Variants in LIN28A observed in about 807,000 individuals in gnomAD.
LIN28A encodes lin-28 RNA binding posttranscriptional regulator A.
LIN28A carries 11 observed loss-of-function variants against 21.1 expected under a neutral mutation model. The observed-to-expected ratio is 0.52, with a 90% CI of 0.33 to 0.86. LIN28A has a LOEUF of 0.86. LIN28A is among the 40% of genes least tolerant of loss of function. The pLI, the probability that LIN28A is intolerant of heterozygous loss-of-function variation, is 0.03. For missense variants in LIN28A, 219 were observed against 279.8 expected, an observed-to-expected ratio of 0.78 and a Z score of 1.55; for synonymous variants, 111 against 108.7, an observed-to-expected ratio of 1.02 and a Z score of -0.13.
intron 2 of LIN28A, among the ~76,000 whole-genome samples, chr1:26,423,984 G>A (rs577413272): frequency 6.7e-6 from 1 of 150,374 alleles, no homozygotes; most frequent in Admixed American, 6.6e-5. Flanking sequence ...GGATGGTCTC[G>A]ATCTCCTGAC....
intron 2 of LIN28A, among the ~76,000 whole-genome samples, chr1:26,416,055 C>A (rs184854650): frequency 1.3e-5 from 2 of 152,002 alleles, no homozygotes; most frequent in African/African-American, 4.8e-5. Context: ...TGCAGTGGCA[C>A]GAACTCGGCT....
intron 2 of LIN28A, among the ~76,000 whole-genome samples, chr1:26,417,972 TG>T (rs1280188572): frequency 6.6e-6 from 1 of 151,656 alleles, no homozygotes; most frequent in African/African-American, 2.4e-5. Context: ...TTGCCACTTC[TG>T]GAGAAAGGAC....
At chr1:26,417,163 G>A (rs1355385492) in intron 2 of LIN28A, among the ~76,000 whole-genome samples, 1 of 152,216 alleles carries the variant, frequency 6.6e-6, no homozygotes, top group Non-Finnish European at 1.5e-5. Flanking sequence ...AGTACCTCCT[G>A]GTATAGGCGC....
chr1:26,418,170 CA>C (rs1441570445), intron 2 of LIN28A, among the ~76,000 whole-genome samples: 10 of 152,024 alleles, frequency 6.6e-5, no homozygotes, highest in Non-Finnish European at 1.5e-4. Context: ...GTAAGGCAGG[CA>C]ATTACTGAGG....
At chr1:26,422,430 T>A (rs2075033420) in intron 2 of LIN28A, among the ~76,000 whole-genome samples, 1 of 151,248 alleles carries the variant, frequency 6.6e-6, no homozygotes, top group Non-Finnish European at 1.5e-5. Flanking sequence ...TTTTTTTTTT[T>A]CCTGTTTCAA....
rs2075079817 is a variant in LIN28A, at chr1:26,429,381, G to T, written c.*2923G>T. The T allele has an allele frequency of 6.6e-6, 1 of 152,662 alleles. No individual in the cohort carries two copies. Among genetic ancestry groups the T allele is most frequent in the African/African-American group, 2.4e-5 (1 of 41,454 alleles). The allele number at this position is 152,662 out of a possible 1,614,324, so 9.5% of individuals were successfully genotyped here. On this transcript the variant is annotated 3_prime_UTR_variant, in exon 4 of 4. Coordinates refer to ENST00000326279, the MANE Select transcript of LIN28A (RefSeq NM_024674.6). ...AAACTTTATGTCAAAGTGGCCACAAGATTGTTTAATAGGAGACGAACGAAT... is the reference window on the plus strand; with the variant it reads ...AAACTTTATGTCAAAGTGGCCACAATATTGTTTAATAGGAGACGAACGAAT...
chr1:26,425,965 C>A (rs1292795522), intron 3 of LIN28A, among the ~76,000 whole-genome samples: 3 of 152,168 alleles, frequency 2.0e-5, no homozygotes, highest in Admixed American at 1.3e-4. Context: ...TCCTATCCCC[C>A]AAGTTGCAGT....
intron 2 of LIN28A, among the ~76,000 whole-genome samples, chr1:26,413,113 GAACCAGC>G (rs1252691131): frequency 1.3e-5 from 2 of 152,060 alleles, no homozygotes; most frequent in African/African-American, 4.8e-5. Context: ...TTTATTACAG[GAACCAGC>G]TTTGAATGGC....
chr1:26,413,813 GT>G (rs1242820295), intron 2 of LIN28A, among the ~76,000 whole-genome samples: 1,441 of 130,262 alleles, frequency 0.011, 10 homozygotes, highest in African/African-American at 0.021. Context: ...TTGTTTGTTT[GT>G]TTGTTTGTTG....
At chr1:26,414,071 C>T (rs186305671) in intron 2 of LIN28A, among the ~76,000 whole-genome samples, 141 of 152,114 alleles carry the variant, frequency 9.3e-4, no homozygotes, top group Middle Eastern at 3.4e-3. Context: ...TCAGATGATC[C>T]GCCCGCCTTG....
At chr1:26,413,209 G>A (rs1253259809) in intron 2 of LIN28A, among the ~76,000 whole-genome samples, 1 of 152,038 alleles carries the variant, frequency 6.6e-6, no homozygotes, top group Non-Finnish European at 1.5e-5. Flanking sequence ...TCCTGGTCTG[G>A]GGACTGGACA....
chr1:26,418,678 C>T (rs1411938334), intron 2 of LIN28A, among the ~76,000 whole-genome samples: 2 of 152,148 alleles, frequency 1.3e-5, no homozygotes, highest in African/African-American at 4.8e-5. Flanking sequence ...GCCTTCTCTC[C>T]CCCTCCCCTT....
At position 26,426,854 on chromosome 1, in the gene LIN28A, A is replaced by C. The variant is rs2075062721; in HGVS notation, c.*396A>C. Reference sequence around the variant, plus strand: ...GTATAAGACCAGATTCATGGAGCCAAGCCACTACATTCTGTGGAAGGAGAT... The same window carrying C: ...GTATAAGACCAGATTCATGGAGCCACGCCACTACATTCTGTGGAAGGAGAT... On this transcript the variant is annotated 3_prime_UTR_variant, in exon 4 of 4. Transcript: ENST00000326279. 5.1e-6 allele frequency: 1 copy of C among 197,916 alleles called. No homozygotes were observed. Among genetic ancestry groups the C allele is most frequent in the Admixed American group, 5.4e-5 (1 of 18,678 alleles). The allele number at this position is 197,916 out of a possible 1,614,324, so 12.3% of individuals were successfully genotyped here.
At chr1:26,410,990 G>A in intron 1 of LIN28A, 68 bp downstream of exon 1, 1 of 1,570,396 alleles carries the variant, frequency 6.4e-7, no homozygotes, top group Non-Finnish European at 8.6e-7. Flanking sequence ...GTAGAAGGGA[G>A]GTGGGGAACT....
intron 2 of LIN28A, among the ~76,000 whole-genome samples, chr1:26,418,768 A>T (rs2075012023): frequency 6.6e-6 from 1 of 152,142 alleles, no homozygotes; most frequent in Non-Finnish European, 1.5e-5. Context: ...GGTTCTATCC[A>T]TGAAGTGGGC....
intron 2 of LIN28A, among the ~76,000 whole-genome samples, chr1:26,417,548 A>C (rs2075000958): frequency 6.6e-6 from 1 of 152,170 alleles, no homozygotes; most frequent in African/African-American, 2.4e-5. Flanking sequence ...AATGAATTGC[A>C]CTGGGGAGAG....
chr1:26,426,587 C>T lies in LIN28A; in HGVS notation c.*129C>T, dbSNP rs1159048126. On this transcript the variant is annotated 3_prime_UTR_variant, in exon 4 of 4. Coordinates refer to ENST00000326279, the MANE Select transcript of LIN28A (RefSeq NM_024674.6). ...ATGTATCTCAGGCTTGGGTTCACACCATCACCCTTTCTTCCCTCTAGGTGG... is the reference window on the plus strand; with the variant it reads ...ATGTATCTCAGGCTTGGGTTCACACTATCACCCTTTCTTCCCTCTAGGTGG... 3 of 705,750 alleles carry T rather than the reference C, an allele frequency of 4.3e-6. No homozygotes were observed. Among genetic ancestry groups the T allele is most frequent in the East Asian group, 5.4e-5 (2 of 36,800 alleles). The allele number at this position is 705,750 out of a possible 1,614,324, so 43.7% of individuals were successfully genotyped here.
At position 26,411,190 on chromosome 1, in the gene LIN28A, G is replaced by C. The variant is rs562125922; in HGVS notation, c.32-196G>C. Among the ~76,000 whole-genome samples the C allele has an allele frequency of 2.0e-5, 3 of 152,240 alleles. No homozygotes were observed. Among genetic ancestry groups the C allele is most frequent in the Admixed American group, 2.0e-4 (3 of 15,292 alleles). ...TGGGAAGAGGAGCAAAACTTTCGGG[G>C]CACTACTGTCCCGGTGTACGCTAGG... On this transcript the variant is annotated intron_variant, in intron 1 of 3. Transcript: ENST00000326279. The surrounding 1 kb of genome is among the most constrained non-coding windows in gnomAD (Gnocchi z 5.4).
chr1:26,412,491 G>C (rs995436475), intron 2 of LIN28A, among the ~76,000 whole-genome samples: 10 of 152,290 alleles, frequency 6.6e-5, no homozygotes, highest in Admixed American at 4.6e-4. Context: ...GAGGCATTCC[G>C]GTGGTCCTGG....
Sources: gnomAD v4.1 joint callset for allele counts (sites outside exome capture counted in the v4.1 genomes callset) on GRCh38, gnomAD v4.1.1 for gene constraint, Gnocchi (gnomAD v3.1) non-coding constraint, MANE v1.5 for transcripts, NCBI Gene and HGNC (gene_info 2026-07-23, HGNC 2026-07-21) for gene names.